The following ACACA variants were observed in gnomAD, a reference collection of about 807,000 sequenced individuals.
ACACA encodes the protein acetyl-CoA carboxylase 1.
In ACACA, 103 loss-of-function variants were observed where a neutral mutation model predicts 296.1. The observed-to-expected ratio is 0.35, with a 90% CI of 0.30 to 0.41. ACACA has a LOEUF of 0.41. ACACA is among the 10% of genes least tolerant of loss of function. The pLI, the probability that ACACA is intolerant of heterozygous loss-of-function variation, is 1.00. For missense variants in ACACA, 1,554 were observed against 2,989.7 expected (o/e 0.52, Z 11.20); for synonymous variants, 953 against 1,038.6 (o/e 0.92, Z 1.58).
intron 2 of ACACA, among the ~76,000 whole-genome samples, chr17:37,332,220 T>TA (rs771392453): frequency 2.5e-4 from 34 of 138,576 alleles, no homozygotes; most frequent in Admixed American, 7.3e-4. Flanking sequence ...AAGTATAATT[T>TA]AAAAAAAAAA....
At chr17:37,367,245 A>C (rs1168077286) in intron 1 of ACACA, among the ~76,000 whole-genome samples, 2 of 151,840 alleles carry the variant, frequency 1.3e-5, no homozygotes, top group East Asian at 3.8e-4. Context: ...AAAAAGAAGA[A>C]AGAATAAAGA....
intron 45 of ACACA, among the ~76,000 whole-genome samples, chr17:37,146,234 A>G (rs2075800137): frequency 6.6e-6 from 1 of 152,200 alleles, no homozygotes; most frequent in Non-Finnish European, 1.5e-5. Flanking sequence ...AGGCAACATC[A>G]TGTGTATGCC....
chr17:37,150,511 C>T (rs1275430487), intron 44 of ACACA, among the ~76,000 whole-genome samples: 1 of 150,962 alleles, frequency 6.6e-6, no homozygotes, highest in Non-Finnish European at 1.5e-5. Context: ...CACTGCATTC[C>T]ATCCTGGGCA....
chr17:37,156,081 T>A (rs1395639446), intron 42 of ACACA, among the ~76,000 whole-genome samples: 1 of 145,764 alleles, frequency 6.9e-6, no homozygotes. Context: ...TTTTTTTTGT[T>A]GAGATGGAGT....
At chr17:37,091,782 C>T (rs781460945) in intron 54 of ACACA, among the ~76,000 whole-genome samples, 3 of 151,942 alleles carry the variant, frequency 2.0e-5, no homozygotes, top group Non-Finnish European at 2.9e-5. Context: ...CGTTATGTTG[C>T]CCAGGCTGGT....
intron 46 of ACACA, 32 bp downstream of exon 46, chr17:37,130,043 G>C: frequency 1.2e-6 from 2 of 1,613,856 alleles, no homozygotes; most frequent in Non-Finnish European, 1.7e-6. Context: ...AGGCTCTGCA[G>C]GCCATGTCAG....
chr17:37,359,033 G>A, intron 1 of ACACA: 1 of 985,838 alleles, frequency 1.0e-6, no homozygotes, highest in Non-Finnish European at 1.2e-6. Context: ...GGGCGATTCC[G>A]GAGCCCCTGC....
chr17:37,336,144 G>T (rs7211305), intron 2 of ACACA, among the ~76,000 whole-genome samples: 47,485 of 151,852 alleles, frequency 0.31, 9,075 homozygotes, highest in African/African-American at 0.53. Flanking sequence ...TTCAAATGGA[G>T]CCCCAGATGC....
chr17:37,199,214 T>C (rs998405772), intron 35 of ACACA, among the ~76,000 whole-genome samples: 4 of 146,416 alleles, frequency 2.7e-5, no homozygotes, highest in Non-Finnish European at 4.5e-5. Flanking sequence ...CACTCCAGCC[T>C]GGGCGACTAA....
intron 50 of ACACA, among the ~76,000 whole-genome samples, chr17:37,120,101 C>A (rs1349204308): frequency 1.3e-5 from 2 of 151,958 alleles, no homozygotes; most frequent in Admixed American, 1.3e-4. Context: ...CTATGTTGGA[C>A]AGGCTGGTCT....
intron 39 of ACACA, among the ~76,000 whole-genome samples, chr17:37,184,832 T>C (rs1387465456): frequency 1.5e-5 from 2 of 135,232 alleles, no homozygotes; most frequent in Non-Finnish European, 3.1e-5. Flanking sequence ...TTGGGCAAGA[T>C]AGTGAGACCC....
rs187092581 is a variant in ACACA at position 37,279,852 on chromosome 17, C to T, written c.611-1847G>A. 2.1e-3 allele frequency among the ~76,000 whole-genome samples: 327 copies of T among 152,108 alleles called. 3 individuals carry two copies. Among genetic ancestry groups the T allele is most frequent in the African/African-American group, 7.3e-3 (302 of 41,490 alleles). ...GACAACCAGTTTATGCTTTACTGTA[C>T]ATAAATATATATATTTTTGGTATAT... On this transcript the variant is annotated intron_variant, in intron 5 of 55. Coordinates refer to ENST00000616317, the MANE Select transcript of ACACA (RefSeq NM_198834.3).
intron 40 of ACACA, 133 bp downstream of exon 40, chr17:37,181,068 T>C (rs1451492410): frequency 4.1e-6 from 4 of 966,268 alleles, no homozygotes; most frequent in Middle Eastern, 2.1e-4. Context: ...TCAAATGAAA[T>C]AGAAATGAAA....
rs535031927 is a variant in ACACA, at chr17:37,354,829, G to C, written c.39-14979C>G. Among the ~76,000 whole-genome samples, 6 of 152,252 alleles carry C rather than the reference G, an allele frequency of 3.9e-5. 1 individual carries two copies. In the South Asian group the frequency reaches 1.2e-3, roughly 32 times the overall value. ...ACCTGCAGTCCCAGCTACTCCAGAA[G>C]GTAAGGTGGAGGACTGCTTGAGCCC... On this transcript the variant is annotated intron_variant, in intron 1 of 55. Coordinates refer to ENST00000616317, the MANE Select transcript of ACACA (RefSeq NM_198834.3).
At chr17:37,363,171 CTCTT>C (rs2049473039) in intron 1 of ACACA, among the ~76,000 whole-genome samples, 3 of 138,764 alleles carry the variant, frequency 2.2e-5, no homozygotes, top group African/African-American at 5.7e-5. Context: ...TTTTCTCTTT[CTCTT>C]TTTCTTTTTT....
intron 54 of ACACA, among the ~76,000 whole-genome samples, chr17:37,093,651 C>T (rs983268741): frequency 5.3e-5 from 8 of 152,096 alleles, no homozygotes; most frequent in African/African-American, 1.2e-4. Flanking sequence ...GTGTGTGCCA[C>T]GACACCGAGC....
At chr17:37,165,675 ATTTT>A (rs61254387) in intron 41 of ACACA, among the ~76,000 whole-genome samples, 1 of 139,698 alleles carries the variant, frequency 7.2e-6, no homozygotes, top group Non-Finnish European at 1.5e-5. Context: ...TGTGTAGAGA[ATTTT>A]TTTTTTTTTT....
intron 3 of ACACA, among the ~76,000 whole-genome samples, chr17:37,326,285 C>T (rs1476291065): frequency 6.6e-6 from 1 of 150,950 alleles, no homozygotes; most frequent in Non-Finnish European, 1.5e-5. Context: ...CCTGTAATCT[C>T]AGCACTTTGG....
chr17:37,304,585 G>A (rs562229708), intron 3 of ACACA, among the ~76,000 whole-genome samples: 11 of 152,226 alleles, frequency 7.2e-5, no homozygotes, highest in African/African-American at 1.9e-4. Context: ...CCTGAGGTCA[G>A]GAGTTCGAGA....
Sources: allele counts gnomAD v4.1 joint callset (sites outside exome capture counted in the v4.1 genomes callset), GRCh38; gene constraint gnomAD v4.1.1; transcripts MANE v1.5; gene names NCBI Gene and HGNC (gene_info 2026-07-23, HGNC 2026-07-21).